RPH3A: variants seen among roughly 807,000 people sequenced by gnomAD.
The protein encoded by RPH3A is rabphilin-3A.
RPH3A carries 48 observed loss-of-function variants against 102.2 expected under a neutral mutation model. The ratio of observed to expected loss-of-function variants is 0.47; its 90% CI spans 0.37 to 0.60. The LOEUF (loss-of-function observed/expected upper bound fraction) is 0.60, where lower values mean the gene tolerates loss of function less well. RPH3A is among the 20% of genes least tolerant of loss of function. RPH3A has a pLI of 0.00. For synonymous variants in RPH3A, 310 were observed against 324.3 expected, an observed-to-expected ratio of 0.96 and a Z score of 0.47; for missense variants, 781 against 910.1, an observed-to-expected ratio of 0.86 and a Z score of 1.83.
chr12:112,621,215 C>T (rs1039971683), intron 1 of RPH3A, among the ~76,000 whole-genome samples: 5 of 151,886 alleles, frequency 3.3e-5, no homozygotes, highest in African/African-American at 1.2e-4. Flanking sequence ...CCAAGATGGC[C>T]GAATAGGAAC....
intron 1 of RPH3A, among the ~76,000 whole-genome samples, chr12:112,773,647 T>A (rs1391900160): frequency 6.6e-6 from 1 of 152,010 alleles, no homozygotes; most frequent in Non-Finnish European, 1.5e-5. Context: ...AACATTCCAT[T>A]TTTGCACTTC....
chr12:112,765,246 TTGTGTG>T (rs34294777), intron 1 of RPH3A, among the ~76,000 whole-genome samples: 2,974 of 141,612 alleles, frequency 0.021, 50 homozygotes, highest in African/African-American at 0.048. Context: ...GTCATGGTGA[TTGTGTG>T]TGTGTGTGTG....
At chr12:112,876,451 C>T (rs536268373) in intron 12 of RPH3A, among the ~76,000 whole-genome samples, 191 bp from the exon 13 acceptor site, 304 of 152,288 alleles carry the variant, frequency 2.0e-3, no homozygotes, top group African/African-American at 7.1e-3. Flanking sequence ...TTTGTACCCC[C>T]ACAAGGTCTG....
chr12:112,617,604 GAAATAAC>G (rs2039690455), intron 1 of RPH3A: 1 of 152,246 alleles, frequency 6.6e-6, no homozygotes, highest in Non-Finnish European at 1.5e-5. Context: ...GGCAAGTGCT[GAAATAAC>G]GGAAGGAACA....
intron 1 of RPH3A, among the ~76,000 whole-genome samples, chr12:112,742,331 T>A (rs994168076): frequency 6.6e-6 from 1 of 152,182 alleles, no homozygotes; most frequent in Non-Finnish European, 1.5e-5. Context: ...GGAAATGTTG[T>A]ATACGAAGTT....
intron 4 of RPH3A, among the ~76,000 whole-genome samples, chr12:112,846,219 G>A (rs1170781624): frequency 6.6e-6 from 1 of 152,150 alleles, no homozygotes; most frequent in South Asian, 2.1e-4. Context: ...TAGTATCTTC[G>A]CAATGTTGTG....
intron 1 of RPH3A, among the ~76,000 whole-genome samples, chr12:112,664,344 G>C (rs1194915313): frequency 6.6e-6 from 1 of 152,154 alleles, no homozygotes; most frequent in Non-Finnish European, 1.5e-5. Context: ...ATTTAAGCAG[G>C]AGGTAAACAA....
intron 2 of RPH3A, among the ~76,000 whole-genome samples, chr12:112,825,521 C>T (rs1055764607): frequency 1.3e-5 from 2 of 152,030 alleles, no homozygotes; most frequent in African/African-American, 4.8e-5. Context: ...GCAATCTCCA[C>T]GTGGTCTCTC....
chr12:112,751,113 A>G (rs1250092798), intron 1 of RPH3A, among the ~76,000 whole-genome samples: 1 of 152,254 alleles, frequency 6.6e-6, no homozygotes, highest in Non-Finnish European at 1.5e-5. Context: ...ATTTGAGCCA[A>G]TGAATCACTT....
intron 21 of RPH3A, among the ~76,000 whole-genome samples, chr12:112,896,170 T>C (rs2043176693): frequency 6.6e-6 from 1 of 152,234 alleles, no homozygotes; most frequent in African/African-American, 2.4e-5. Flanking sequence ...CTTAATTTAT[T>C]TGCATGTCCA....
At chr12:112,720,957 A>G (rs1254658618) in intron 1 of RPH3A, among the ~76,000 whole-genome samples, 5 of 145,338 alleles carry the variant, frequency 3.4e-5, no homozygotes, top group Non-Finnish European at 6.1e-5. Context: ...GGAGTCAGAA[A>G]GACCTGGATT....
intron 2 of RPH3A, among the ~76,000 whole-genome samples, chr12:112,806,524 A>G (rs2041466630): frequency 1.3e-5 from 2 of 151,988 alleles, no homozygotes; most frequent in South Asian, 2.1e-4. Context: ...AATCCCAGCT[A>G]CTCAGGAGGC....
chr12:112,698,678 C>G (rs2040369122), intron 1 of RPH3A, among the ~76,000 whole-genome samples: 1 of 152,202 alleles, frequency 6.6e-6, no homozygotes, highest in Non-Finnish European at 1.5e-5. Context: ...GACATATATT[C>G]CCACTGAGAT....
At position 112,645,375 on chromosome 12, in the gene RPH3A, G is replaced by A. The variant is rs1420063323; in HGVS notation, c.-140+70056G>A. 2.6e-5 allele frequency among the ~76,000 whole-genome samples: 4 copies of A among 152,106 alleles called. 1 individual carries two copies. The highest frequency in any genetic ancestry group is 2.4e-5 in the African/African-American group (1 of 41,422). On this transcript the variant is annotated intron_variant, in intron 1 of 21. Coordinates refer to the RPH3A transcript ENST00000543106. ...GTTGAATGATGTCCTTATCTATGTG[G>A]CTTTTTCTAGATTTTCTGGGGTATA...
intron 1 of RPH3A, among the ~76,000 whole-genome samples, chr12:112,578,221 A>C (rs1239307357): frequency 6.6e-6 from 1 of 152,176 alleles, no homozygotes; most frequent in Non-Finnish European, 1.5e-5. Context: ...TATTATGCAA[A>C]GGTAACAGGG....
intron 1 of RPH3A, among the ~76,000 whole-genome samples, chr12:112,722,774 C>T (rs1372861967): frequency 2.0e-5 from 3 of 152,200 alleles, no homozygotes; most frequent in Non-Finnish European, 4.4e-5. Flanking sequence ...ATGAAAGCCA[C>T]ATGTTAAAGT....
At chr12:112,715,719 C>T (rs888794640) in intron 1 of RPH3A, among the ~76,000 whole-genome samples, 13 of 152,090 alleles carry the variant, frequency 8.5e-5, no homozygotes, top group African/African-American at 2.7e-4. Flanking sequence ...ATGATGTTAC[C>T]GGAAAGGGGT....
At chr12:112,860,412 G>A (rs1176920324) in intron 5 of RPH3A, among the ~76,000 whole-genome samples, 3 of 152,138 alleles carry the variant, frequency 2.0e-5, no homozygotes, top group Non-Finnish European at 4.4e-5. Context: ...GCTGATAGGA[G>A]CTAATGAGAC....
intron 1 of RPH3A, among the ~76,000 whole-genome samples, chr12:112,728,740 C>T (rs753685356): frequency 3.9e-5 from 6 of 152,134 alleles, no homozygotes; most frequent in Non-Finnish European, 8.8e-5. Context: ...GCATGTCAAG[C>T]AGTGGTGACT....
Sources: gnomAD v4.1 joint callset for allele counts (sites outside exome capture counted in the v4.1 genomes callset) on GRCh38, gnomAD v4.1.1 for gene constraint, MANE v1.5 for transcripts, NCBI Gene and HGNC (gene_info 2026-07-23, HGNC 2026-07-21) for gene names.